The following LIN9 variants were observed in gnomAD, a reference collection of about 807,000 sequenced individuals.
LIN9 encodes lin-9 DREAM MuvB core complex component.
In LIN9, 18 loss-of-function variants were observed where a neutral mutation model predicts 78.0. The observed-to-expected ratio is 0.23, with a 90% confidence interval of 0.16 to 0.34. The LOEUF (loss-of-function observed/expected upper bound fraction) is 0.34, where lower values mean the gene tolerates loss of function less well. Ranked by LOEUF, LIN9 falls within the 10% of genes least tolerant of loss-of-function variation. The pLI is 1.00. For synonymous variants in LIN9, 192 were observed against 215.2 expected, an observed-to-expected ratio of 0.89 and a Z score of 0.94; for missense variants, 451 against 644.1, an observed-to-expected ratio of 0.70 and a Z score of 3.25.
At chr1:226,257,572 C>T (rs1331008756) in intron 10 of LIN9, among the ~76,000 whole-genome samples, 1 of 151,920 alleles carries the variant, frequency 6.6e-6, no homozygotes, top group Non-Finnish European at 1.5e-5. Context: ...ACCCATGAAG[C>T]TGTACAGTGT....
intron 10 of LIN9, among the ~76,000 whole-genome samples, chr1:226,256,041 C>G (rs1270607226): frequency 2.0e-5 from 3 of 151,582 alleles, no homozygotes; most frequent in Non-Finnish European, 4.4e-5. Context: ...CCACAAAAAC[C>G]TCTAGATTTA....
At chr1:226,243,747 T>C (rs1271876171) in intron 11 of LIN9, among the ~76,000 whole-genome samples, 2 of 144,586 alleles carry the variant, frequency 1.4e-5, no homozygotes, top group South Asian at 4.5e-4. Flanking sequence ...CCCAATAGTA[T>C]ATATTCTATA....
Position 226,295,020 on chromosome 1 carries a change from C to A in LIN9, c.264+822G>T, listed in dbSNP as rs1662054234. ...TTCGCCATGTTGGCCAGGCTGATCT[C>A]GAACTCCTGGCCTCAAGTGATGCAC... On this transcript the variant is annotated intron_variant, in intron 4 of 14. Transcript: ENST00000681046. Among the ~76,000 whole-genome samples the A allele has an allele frequency of 2.6e-5, 4 of 151,956 alleles. No homozygotes were observed. The South Asian group carries it at 8.4e-4, about 32-fold the overall frequency.
intron 6 of LIN9, among the ~76,000 whole-genome samples, chr1:226,283,112 A>G (rs1296946347): frequency 1.3e-5 from 2 of 151,780 alleles, no homozygotes; most frequent in African/African-American, 4.8e-5. Context: ...TGTGTCACCC[A>G]ACTGGCTAAG....
chr1:226,282,917 C>T (rs1661159142), intron 6 of LIN9, among the ~76,000 whole-genome samples: 1 of 152,164 alleles, frequency 6.6e-6, no homozygotes, highest in African/African-American at 2.4e-5. Flanking sequence ...TTCATGTTTA[C>T]AAGAGCCATT....
At chr1:226,247,661 G>A (rs919633870) in intron 11 of LIN9, among the ~76,000 whole-genome samples, 1 of 144,976 alleles carries the variant, frequency 6.9e-6, no homozygotes, top group African/African-American at 2.5e-5. Flanking sequence ...ATGCCTTGTT[G>A]TTTGTTTTCT....
At position 226,265,075 on chromosome 1, in the gene LIN9, A is replaced by G. The variant is rs1213793476; in HGVS notation, c.1038+458T>C. Among the ~76,000 whole-genome samples the G allele has an allele frequency of 6.6e-6, 1 of 152,212 alleles. No homozygotes were observed. Among genetic ancestry groups the G allele is most frequent in the Admixed American group, 6.5e-5 (1 of 15,286 alleles). ...AGTTCAGTTTAGGCTTAGATTTCTT[A>G]GTGTCTAATCACTAAGTACTTAGCA... On this transcript the variant is annotated intron_variant, in intron 10 of 14. Coordinates refer to ENST00000681046, the MANE Select transcript of LIN9 (RefSeq NM_001366245.2). This position sits in a 1 kb window ranked among gnomAD's most constrained non-coding sequence, Gnocchi z 4.1.
chr1:226,241,566 G>A (rs1192499555), intron 11 of LIN9, among the ~76,000 whole-genome samples: 2 of 152,166 alleles, frequency 1.3e-5, no homozygotes, highest in African/African-American at 4.8e-5. Context: ...ATTACAAAAT[G>A]GGGTGATATA....
rs188945855 is a variant in LIN9, at chr1:226,275,335, T to C, written c.682+2440A>G. ...AATAGGTGGCAGCCTAGATTTGGCC[T>C]ATAGGCCGTAAGTTTGCTGACCCCT... On this transcript the variant is annotated intron_variant, in intron 7 of 14. Coordinates refer to ENST00000681046, the MANE Select transcript of LIN9 (RefSeq NM_001366245.2). Among the ~76,000 whole-genome samples the C allele has an allele frequency of 2.9e-3, 435 of 152,334 alleles. 1 individual carries two copies. The highest frequency in any genetic ancestry group is 0.01 in the African/African-American group (419 of 41,580).
intron 10 of LIN9, among the ~76,000 whole-genome samples, chr1:226,261,296 A>G (rs927578317): frequency 2.0e-5 from 3 of 152,136 alleles, no homozygotes; most frequent in Non-Finnish European, 4.4e-5. Flanking sequence ...ATGCAATAAG[A>G]TAAGAAAGAG....
intron 11 of LIN9, among the ~76,000 whole-genome samples, chr1:226,243,617 A>G (rs757632018): frequency 6.8e-6 from 1 of 146,146 alleles, no homozygotes; most frequent in Non-Finnish European, 1.5e-5. Context: ...AATCGCTTAA[A>G]CCCAGGAGGT....
intron 7 of LIN9, among the ~76,000 whole-genome samples, chr1:226,271,710 T>C (rs1266206543): frequency 6.6e-6 from 1 of 152,220 alleles, no homozygotes; most frequent in Non-Finnish European, 1.5e-5. Context: ...ATTGTGGATT[T>C]GTCTATTTCT....
chr1:226,249,993 A>C (rs959658924), intron 11 of LIN9, among the ~76,000 whole-genome samples: 2 of 152,026 alleles, frequency 1.3e-5, no homozygotes, highest in African/African-American at 4.8e-5. Context: ...AACATGGCGA[A>C]ACCCCGTCTC....
chr1:226,276,040 C>G (rs1270846309), intron 7 of LIN9, among the ~76,000 whole-genome samples: 1 of 152,058 alleles, frequency 6.6e-6, no homozygotes, highest in African/African-American at 2.4e-5. Flanking sequence ...AAAACAAAAA[C>G]AAAAATAAAA....
At chr1:226,261,531 C>T (rs139907792) in intron 10 of LIN9, among the ~76,000 whole-genome samples, 1 of 152,258 alleles carries the variant, frequency 6.6e-6, no homozygotes, top group East Asian at 1.9e-4. Context: ...GTATCATTTA[C>T]CTTAACACCC....
At chr1:226,266,080 ATTTT>A (rs1173708925) in intron 9 of LIN9, 129 bp downstream of exon 9, 10 of 449,720 alleles carry the variant, frequency 2.2e-5, no homozygotes, top group Non-Finnish European at 3.7e-5. Context: ...GCAACTATTT[ATTTT>A]ATTTAATATT....
chr1:226,302,487 G>C (rs549222726), intron 1 of LIN9, among the ~76,000 whole-genome samples: 1 of 150,304 alleles, frequency 6.7e-6, no homozygotes, highest in South Asian at 2.1e-4. Flanking sequence ...AGCTTGCAGT[G>C]AGCAAAGATT....
At chr1:226,236,863 A>AT (rs1657753310) in intron 12 of LIN9, among the ~76,000 whole-genome samples, 1 of 152,152 alleles carries the variant, frequency 6.6e-6, no homozygotes, top group Non-Finnish European at 1.5e-5. Flanking sequence ...CCATTGTGTA[A>AT]TTATACCATG....
At position 226,233,456 on chromosome 1, in the gene LIN9, T is replaced by G. The variant is rs138510303; in HGVS notation, c.1313A>C (p.Glu438Ala). ...PTDMRRRCEE[E>A]AQEIVRHANS... is the part of the protein sequence containing the mutation. ...TGCATGCCGAACAATTTCCTGTGCT[T>G]CTTCCTCACACCTGCGTCTCATATC... The change falls in exon 13 of 15, where the codon GAA becomes GCA. Residue 438 changes from glutamate to alanine, a missense_variant. By Grantham distance (107) the Glu-to-Ala change is moderately radical. Coordinates refer to ENST00000681046, the MANE Select transcript of LIN9 (RefSeq NM_001366245.2). The G allele has an allele frequency of 7.5e-3, 12,088 of 1,614,184 alleles. 79 individuals carry two copies. The highest frequency in any genetic ancestry group is 9.3e-3 in the Non-Finnish European group (11,033 of 1,180,012).
Sources: allele counts gnomAD v4.1 joint callset (sites outside exome capture counted in the v4.1 genomes callset), GRCh38; gene constraint gnomAD v4.1.1; non-coding constraint Gnocchi (gnomAD v3.1); transcripts MANE v1.5; gene names NCBI Gene and HGNC (gene_info 2026-07-23, HGNC 2026-07-21).